XRCC4: variants seen among roughly 807,000 people sequenced by gnomAD.
XRCC4 encodes DNA repair protein XRCC4.
XRCC4 carries 28 observed loss-of-function variants against 39.1 expected under a neutral mutation model. That is an observed-to-expected ratio of 0.72 (90% CI 0.53 to 0.98). The LOEUF (loss-of-function observed/expected upper bound fraction) is 0.98. Ranked by LOEUF, XRCC4 falls within the 50% of genes least tolerant of loss-of-function variation. The pLI, the probability that XRCC4 is intolerant of heterozygous loss-of-function variation, is 0.00. For synonymous variants in XRCC4, 123 were observed against 126.4 expected (o/e 0.97, Z 0.18); for missense variants, 350 against 376.4 (o/e 0.93, Z 0.58).
intron 7 of XRCC4, among the ~76,000 whole-genome samples, chr5:83,298,004 A>T (rs1302173100): frequency 1.3e-5 from 2 of 151,928 alleles, no homozygotes; most frequent in Non-Finnish European, 2.9e-5. Flanking sequence ...GCTGTGTAGG[A>T]CCTTTTAATG....
intron 7 of XRCC4, among the ~76,000 whole-genome samples, chr5:83,291,322 A>T (rs1354298383): frequency 6.6e-6 from 1 of 151,876 alleles, no homozygotes; most frequent in Non-Finnish European, 1.5e-5. Context: ...AATTAGTAAG[A>T]GCACTTTCAG....
intron 1 of XRCC4, among the ~76,000 whole-genome samples, chr5:83,101,249 C>T (rs1441172196): frequency 1.3e-5 from 2 of 151,894 alleles, no homozygotes; most frequent in African/African-American, 4.8e-5. Context: ...TGTTATTTCT[C>T]TAGTTTTGTT....
chr5:83,204,871 G>A lies in XRCC4; in HGVS notation c.695G>A (p.Ser232Asn). 6.2e-7 allele frequency: 1 copy of A among 1,612,498 alleles called. No homozygotes were observed. Among genetic ancestry groups the A allele is most frequent in the South Asian group, 1.1e-5 (1 of 90,978 alleles). The change falls in exon 6 of 8, where the codon AGT (serine) becomes AAT (asparagine). Residue 232 changes from serine to asparagine, a missense_variant. By Grantham distance (46) the Ser-to-Asn change is conservative. Coordinates refer to ENST00000396027, the MANE Select transcript of XRCC4 (RefSeq NM_003401.5). ...GACCGAGATCCAGTCTATGATGAGA[G>A]TACTGATGAGGAAAGTGAAAACCAA... ...TADRDPVYDE[S>N]TDEESENQTD...
intron 7 of XRCC4, among the ~76,000 whole-genome samples, chr5:83,344,415 C>CTTTTTTTTTTTTTTT (rs70973394): frequency 8.7e-6 from 1 of 115,240 alleles, no homozygotes; most frequent in Admixed American, 9.3e-5. Flanking sequence ...TTATTTTTCA[C>CTTTTTTTTTTTTTTT]TTTTTTTTTT....
chr5:83,177,372 T>C (rs1750005055), intron 3 of XRCC4, among the ~76,000 whole-genome samples: 1 of 151,874 alleles, frequency 6.6e-6, no homozygotes, highest in South Asian at 2.1e-4. Flanking sequence ...ATTACGTTGC[T>C]CCCAAGCTCT....
At chr5:83,147,153 GT>G (rs1748491839) in intron 3 of XRCC4, among the ~76,000 whole-genome samples, 1 of 152,130 alleles carries the variant, frequency 6.6e-6, no homozygotes, top group Admixed American at 6.5e-5. Context: ...ATGGGGTGTG[GT>G]GATGGACACC....
At chr5:83,261,068 AT>A (rs548264554) in intron 7 of XRCC4, among the ~76,000 whole-genome samples, 9 of 151,492 alleles carry the variant, frequency 5.9e-5, no homozygotes, top group African/African-American at 1.2e-4. Context: ...ATACTATAGG[AT>A]TTTTTTTGCA....
chr5:83,203,992 T>C (rs781329663), intron 5 of XRCC4, among the ~76,000 whole-genome samples: 1 of 151,594 alleles, frequency 6.6e-6, no homozygotes, highest in African/African-American at 2.4e-5. Flanking sequence ...CATACTAATT[T>C]AAAAAAAAAC....
At chr5:83,128,736 A>G (rs1228717807) in intron 3 of XRCC4, among the ~76,000 whole-genome samples, 1 of 152,058 alleles carries the variant, frequency 6.6e-6, no homozygotes, top group Non-Finnish European at 1.5e-5. Flanking sequence ...GATGATGAGC[A>G]TTTTTTCATG....
At chr5:83,166,182 C>T (rs908475067) in intron 3 of XRCC4, among the ~76,000 whole-genome samples, 3 of 151,984 alleles carry the variant, frequency 2.0e-5, no homozygotes, top group Admixed American at 6.6e-5. Context: ...CCACCACACC[C>T]GGCCACATTT....
chr5:83,143,070 G>GA (rs1194696778), intron 3 of XRCC4, among the ~76,000 whole-genome samples: 2 of 152,056 alleles, frequency 1.3e-5, no homozygotes, highest in Non-Finnish European at 2.9e-5. Flanking sequence ...ACTTTTTGAT[G>GA]AAAAATGATA....
chr5:83,261,562 AAAG>A (rs1424615072), intron 7 of XRCC4, among the ~76,000 whole-genome samples: 1 of 151,950 alleles, frequency 6.6e-6, no homozygotes, highest in Non-Finnish European at 1.5e-5. Context: ...ACTCAAGAAA[AAAG>A]AAACAAAAGT....
At chr5:83,360,174 T>G in the XRCC4 span, among the ~76,000 whole-genome samples, 1 of 152,174 alleles carries the variant, frequency 6.6e-6, no homozygotes, top group Non-Finnish European at 1.5e-5. Context: ...ATAGCATTTT[T>G]ATGTTACGAC....
intron 7 of XRCC4, among the ~76,000 whole-genome samples, chr5:83,273,364 T>C (rs1232660781): frequency 6.6e-6 from 1 of 152,220 alleles, no homozygotes; most frequent in Non-Finnish European, 1.5e-5. Flanking sequence ...TCTCCCATTC[T>C]GTAGGTTGCC....
chr5:83,253,053 T>C (rs954875374), intron 6 of XRCC4, among the ~76,000 whole-genome samples: 1 of 152,122 alleles, frequency 6.6e-6, no homozygotes, highest in Non-Finnish European at 1.5e-5. Flanking sequence ...AAGATTTCTG[T>C]GGATTGGGAC....
At chr5:83,183,172 C>T (rs1398832902) in intron 3 of XRCC4, among the ~76,000 whole-genome samples, 1 of 152,106 alleles carries the variant, frequency 6.6e-6, no homozygotes, top group Non-Finnish European at 1.5e-5. Context: ...GCTCTGAAAG[C>T]TTTTAGAATC....
intron 6 of XRCC4, among the ~76,000 whole-genome samples, chr5:83,219,251 GT>G (rs1751990691): frequency 6.6e-6 from 1 of 152,166 alleles, no homozygotes; most frequent in East Asian, 1.9e-4. Context: ...TCCAAATAAG[GT>G]TGCATTCTTA....
At position 83,106,100 on chromosome 5, in the gene XRCC4, A is replaced by G. The variant is rs1254531105; in HGVS notation, c.139+1042A>G. On this transcript the variant is annotated intron_variant, in intron 2 of 7. Transcript: ENST00000396027. ...GGTAATATTTGCAGTACTTATTATGATATCTATTTAAGCTACACATTTATC... is the reference window on the plus strand; with the variant it reads ...GGTAATATTTGCAGTACTTATTATGGTATCTATTTAAGCTACACATTTATC... Among the ~76,000 whole-genome samples, 15 of 152,304 alleles carry G rather than the reference A, an allele frequency of 9.8e-5. No homozygotes were observed. The East Asian group carries it at 2.1e-3, about 22-fold the overall frequency.
At chr5:83,098,832 TAA>T (rs150376002) in intron 1 of XRCC4, among the ~76,000 whole-genome samples, 52,241 of 151,888 alleles carry the variant, frequency 0.34, 9,651 homozygotes, top group Non-Finnish European at 0.42. Context: ...TCAGTGCTTT[TAA>T]AAAATACTAA....
Sources: allele counts gnomAD v4.1 joint callset (sites outside exome capture counted in the v4.1 genomes callset), GRCh38; gene constraint gnomAD v4.1.1; transcripts MANE v1.5; gene names NCBI Gene and HGNC (gene_info 2026-07-23, HGNC 2026-07-21).